DOCK5: variants seen among roughly 807,000 people sequenced by gnomAD.
DOCK5 encodes dedicator of cytokinesis protein 5.
DOCK5 carries 142 observed loss-of-function variants against 251.8 expected under a neutral mutation model. That is an observed-to-expected ratio of 0.56 (90% CI 0.49 to 0.65). The LOEUF (loss-of-function observed/expected upper bound fraction) is 0.65. Among genes scored for constraint, DOCK5 ranks in the 30% least tolerant of loss-of-function variants. The pLI is 0.00. For synonymous variants in DOCK5, 842 were observed against 835.5 expected, an observed-to-expected ratio of 1.01 and a Z score of -0.13; for missense variants, 2,111 against 2,312.3, an observed-to-expected ratio of 0.91 and a Z score of 1.79.
chr8:25,392,502 G>T (rs575334256), intron 43 of DOCK5, among the ~76,000 whole-genome samples: 1 of 152,186 alleles, frequency 6.6e-6, no homozygotes, highest in African/African-American at 2.4e-5. Context: ...CCAGAATCTG[G>T]TCTCTTCCTG....
chr8:25,184,965 C>T lies in DOCK5; in HGVS notation c.43+14C>T. The T allele has an allele frequency of 7.2e-7, 1 of 1,389,010 alleles. No homozygotes were observed. Among genetic ancestry groups the T allele is most frequent in the African/African-American group, 1.5e-5 (1 of 67,764 alleles). The allele number at this position is 1,389,010 out of a possible 1,614,324, so 86.0% of individuals were successfully genotyped here. On this transcript the variant is annotated intron_variant, in intron 1 of 51. Coordinates refer to ENST00000276440, the MANE Select transcript of DOCK5 (RefSeq NM_024940.8). ...AGTACGGGGTTGGTGAGTGCGCGCCCCACCTTGTCCCGGCCCGACCCACGC... is the reference window on the plus strand; with the variant it reads ...AGTACGGGGTTGGTGAGTGCGCGCCTCACCTTGTCCCGGCCCGACCCACGC...
intron 5 of DOCK5, among the ~76,000 whole-genome samples, chr8:25,287,182 A>G (rs548210119): frequency 4.7e-4 from 71 of 152,360 alleles, no homozygotes; most frequent in African/African-American, 1.7e-3. Context: ...AGTTATAAAC[A>G]TCGGGAGGCC....
intron 12 of DOCK5, among the ~76,000 whole-genome samples, chr8:25,310,165 G>A (rs9694811): frequency 0.027 from 4,176 of 151,972 alleles, 194 homozygotes; most frequent in African/African-American, 0.094. Flanking sequence ...TATCTGGTAG[G>A]GTCTATCTTT....
At chr8:25,314,709 C>CCATCCATCCAT (rs59477032) in intron 13 of DOCK5, among the ~76,000 whole-genome samples, 1 of 132,760 alleles carries the variant, frequency 7.5e-6, no homozygotes, top group African/African-American at 3.0e-5. Flanking sequence ...CATCCATCCA[C>CCATCCATCCAT]GTACCCAACC....
chr8:25,360,586 C>A (rs1288882038), intron 28 of DOCK5, among the ~76,000 whole-genome samples: 5 of 152,148 alleles, frequency 3.3e-5, no homozygotes, highest in Non-Finnish European at 7.3e-5. Context: ...GGTTTAACCT[C>A]ACTGAACTTC....
In DOCK5 at chr8:25,245,292, G is replaced by A. The variant is rs539847927; in HGVS notation, c.127+1535G>A. Among the ~76,000 whole-genome samples the A allele has an allele frequency of 2.5e-3, 381 of 152,200 alleles. 5 individuals are homozygous for A. The highest frequency in any genetic ancestry group is 1.9e-3 in the South Asian group (9 of 4,826). On this transcript the variant is annotated intron_variant, in intron 2 of 51. Transcript: ENST00000276440. ...AGGATGGTCTCGATCTCCTGACCTCGTGATCCGCCTGCCTTGGCTTCCCAA... is the reference window on the plus strand; with the variant it reads ...AGGATGGTCTCGATCTCCTGACCTCATGATCCGCCTGCCTTGGCTTCCCAA...
intron 1 of DOCK5, among the ~76,000 whole-genome samples, chr8:25,214,653 G>A (rs1000784523): frequency 1.3e-5 from 2 of 152,114 alleles, no homozygotes; most frequent in African/African-American, 4.8e-5. Flanking sequence ...CTTAAAGTGT[G>A]ACTTAAATGC....
chr8:25,373,601 C>CA lies in DOCK5; in HGVS notation c.3685-17_3685-16insA, dbSNP rs1554501067. ...TGATTTATGTTGGGATTCTGTGATC[C>CA]TTTTTTTTCCTGGCAGAACTTTTAT... On this transcript the variant is annotated splice_polypyrimidine_tract_variant and intron_variant, in intron 35 of 51. Transcript: ENST00000276440. 2.6e-6 allele frequency: 4 copies of CA among 1,563,814 alleles called. No individual in the cohort carries two copies. In the African/African-American group the frequency reaches 5.4e-5, roughly 21 times the overall value.
intron 1 of DOCK5, among the ~76,000 whole-genome samples, chr8:25,190,852 C>T (rs950433387): frequency 7.7e-6 from 1 of 129,356 alleles, no homozygotes; most frequent in Non-Finnish European, 1.6e-5. Flanking sequence ...GGCGCGATCT[C>T]GGCTCACTGC....
intron 3 of DOCK5, chr8:25,270,975 A>C (rs927586607): frequency 1.5e-5 from 7 of 471,742 alleles, no homozygotes; most frequent in African/African-American, 1.2e-4. Context: ...CGTATTGTTT[A>C]GGGAATAATG....
intron 5 of DOCK5, among the ~76,000 whole-genome samples, chr8:25,278,993 C>A (rs1804116389): frequency 6.6e-6 from 1 of 152,176 alleles, no homozygotes; most frequent in South Asian, 2.1e-4. Flanking sequence ...TCACAACATT[C>A]CTATAAAGTA....
chr8:25,375,550 C>A (rs2117292313), intron 37 of DOCK5: 1 of 355,618 alleles, frequency 2.8e-6, no homozygotes, highest in East Asian at 1.7e-4. Flanking sequence ...ATCCACTTTT[C>A]TTTATCTCCC....
At chr8:25,310,224 T>C (rs1805052913) in intron 12 of DOCK5, among the ~76,000 whole-genome samples, 183 bp from the exon 13 acceptor site, 1 of 152,126 alleles carries the variant, frequency 6.6e-6, no homozygotes, top group South Asian at 2.1e-4. Flanking sequence ...TCTGTCAAAT[T>C]CTCAAAGAGG....
Position 25,400,505 on chromosome 8 carries a change from A to AAAAAAAAAG in DOCK5, c.4789-418_4789-417insAAGAAAAAA, listed in dbSNP as rs1248554134. 2.6e-5 allele frequency among the ~76,000 whole-genome samples: 4 copies of AAAAAAAAAG among 151,186 alleles called. 1 individual carries two copies. The highest frequency in any genetic ancestry group is 5.9e-5 in the Non-Finnish European group (4 of 67,730). On this transcript the variant is annotated intron_variant, in intron 46 of 51. Transcript: ENST00000276440. ...AGAGTGAGACTCCATCTCAAAAAAA[A>AAAAAAAAAG]AAAAAAGAAAAGTTCATCTGTTGGT... is the stretch of plus-strand genomic sequence containing the variant.
At chr8:25,400,832 A>C in intron 46 of DOCK5, 97 bp from the exon 47 acceptor site, 1 of 1,370,398 alleles carries the variant, frequency 7.3e-7, no homozygotes, top group Non-Finnish European at 1.0e-6. Context: ...TATGTCTAGC[A>C]GTTTACCTTT....
chr8:25,336,093 T>G, intron 21 of DOCK5, 146 bp from the exon 22 acceptor site: 1 of 801,474 alleles, frequency 1.2e-6, no homozygotes, highest in South Asian at 2.8e-5. Flanking sequence ...AAAGAGTTAA[T>G]TTTGCTGTTC....
intron 2 of DOCK5, among the ~76,000 whole-genome samples, chr8:25,265,976 G>A (rs17053273): frequency 0.17 from 25,477 of 151,768 alleles, 2,526 homozygotes; most frequent in Admixed American, 0.25. Flanking sequence ...TGAGCCTAGC[G>A]AAAGAGCAAC....
chr8:25,352,411 GA>G (rs1260694200), intron 27 of DOCK5, among the ~76,000 whole-genome samples: 2 of 152,130 alleles, frequency 1.3e-5, no homozygotes, highest in Non-Finnish European at 2.9e-5. Flanking sequence ...CATGCTTGTG[GA>G]AAGGCCATTG....
chr8:25,413,021 T>G lies in DOCK5; in HGVS notation c.*1723T>G, dbSNP rs1261939826. 1.3e-5 allele frequency: 2 copies of G among 152,202 alleles called. No homozygotes were observed. The allele number at this position is 152,202 out of a possible 1,614,324, so 9.4% of individuals were successfully genotyped here. ...CATGGGCTTTGGAATTAAACCCATT[T>G]GGTGGAATTAAACCCATTTGGTTTC... On this transcript the variant is annotated 3_prime_UTR_variant, in exon 52 of 52. Coordinates refer to ENST00000276440, the MANE Select transcript of DOCK5 (RefSeq NM_024940.8).
Sources: allele counts gnomAD v4.1 joint callset (sites outside exome capture counted in the v4.1 genomes callset), GRCh38; gene constraint gnomAD v4.1.1; transcripts MANE v1.5; gene names NCBI Gene and HGNC (gene_info 2026-07-23, HGNC 2026-07-21).